Variants in SLC2A10 observed in about 807,000 individuals in gnomAD.
The protein encoded by SLC2A10 is solute carrier family 2, facilitated glucose transporter member 10.
A neutral mutation model predicts 32.1 loss-of-function variants in SLC2A10; 25 were observed. The ratio of observed to expected loss-of-function variants is 0.78; its 90% CI spans 0.57 to 1.09. The LOEUF is 1.09. Among genes scored for constraint, SLC2A10 ranks in the 50% least tolerant of loss-of-function variants. SLC2A10 has a pLI of 0.00. For synonymous variants in SLC2A10, 332 were observed against 309.6 expected (o/e 1.07, Z -0.76); for missense variants, 673 against 686.5 (o/e 0.98, Z 0.22).
At chr20:46,727,606 G>A (rs1051504293) in intron 3 of SLC2A10, among the ~76,000 whole-genome samples, 4 of 152,262 alleles carry the variant, frequency 2.6e-5, no homozygotes, top group South Asian at 2.1e-4. Context: ...ATGAGCCACC[G>A]TGTCTGGCCT....
chr20:46,722,100 G>C (rs1287319379), intron 1 of SLC2A10, among the ~76,000 whole-genome samples: 3 of 151,314 alleles, frequency 2.0e-5, no homozygotes, highest in Non-Finnish European at 4.4e-5. Context: ...TCAGAAAATA[G>C]TTTATAAAAA....
Position 46,734,173 on chromosome 20 carries a change from G to T in SLC2A10, c.*339G>T. On this transcript the variant is annotated 3_prime_UTR_variant, in exon 5 of 5. Coordinates refer to ENST00000359271, the MANE Select transcript of SLC2A10 (RefSeq NM_030777.4). ...AAAGAATCTCAAGGGTACCAATCCT[G>T]GCAGGAAGTCTCTCCCGATATCACC... is the stretch of plus-strand genomic sequence containing the variant. 1 of 389,042 alleles carries T rather than the reference G, an allele frequency of 2.6e-6. No homozygotes were observed. Among genetic ancestry groups the T allele is most frequent in the Non-Finnish European group, 4.8e-6 (1 of 208,324 alleles). 24.1% of individuals were successfully genotyped at this position (389,042 alleles called of 1,614,324 possible).
chr20:46,710,407 A>G (rs1050761740), intron 1 of SLC2A10: 2 of 194,388 alleles, frequency 1.0e-5, no homozygotes, highest in African/African-American at 4.6e-5. Context: ...TCAGCAATGA[A>G]CAAAATAGAC....
chr20:46,724,581 G>T (rs1422597455), intron 1 of SLC2A10, among the ~76,000 whole-genome samples: 2 of 151,676 alleles, frequency 1.3e-5, no homozygotes, highest in Admixed American at 1.3e-4. Context: ...AAGAATGGAT[G>T]GATAGTTAAA....
rs755339268 is a variant in SLC2A10, at chr20:46,725,646, G to A, written c.610G>A (p.Gly204Ser). 3.8e-5 allele frequency: 62 copies of A among 1,613,978 alleles called. No homozygotes were observed. Among genetic ancestry groups the A allele is most frequent in the Non-Finnish European group, 1.1e-5 (13 of 1,179,994 alleles). ...CAAGGACCTCATCCCACTCCAGGGA[G>A]GTGAGGCCCCCAAGCTGGGCCCGGG... ...THKDLIPLQG[G>S]EAPKLGPGRP... is the part of the protein sequence containing the mutation. Residue 204 changes from glycine to serine, a missense_variant, in exon 2 of 5, where the codon GGT (glycine) becomes AGT (serine). Transcript: ENST00000359271.
chr20:46,731,700 G>T (rs986066003), intron 4 of SLC2A10, among the ~76,000 whole-genome samples: 2 of 152,120 alleles, frequency 1.3e-5, no homozygotes, highest in Non-Finnish European at 2.9e-5. Context: ...CCAGAGGCAG[G>T]TCTGTGTTTT....
chr20:46,724,062 G>A (rs542063344), intron 1 of SLC2A10, among the ~76,000 whole-genome samples: 4 of 152,234 alleles, frequency 2.6e-5, no homozygotes, highest in African/African-American at 9.6e-5. Context: ...TCTTCTCCCA[G>A]ATTTTCCTGG....
intron 3 of SLC2A10, among the ~76,000 whole-genome samples, chr20:46,728,687 G>A (rs929429780): frequency 1.4e-5 from 2 of 146,424 alleles, no homozygotes; most frequent in Non-Finnish European, 3.0e-5. Context: ...GCATGATCTC[G>A]GCTCACTGCA....
Position 46,733,973 on chromosome 20 carries a change from TG to T in SLC2A10, c.*143del. ...GCCCCCAAAGGTGGTCTGCTTTTGC[TG>T]GGGTAAAAAGGATGAAAGTCTGAGA... On this transcript the variant is annotated 3_prime_UTR_variant, in exon 5 of 5. Transcript: ENST00000359271. 1.3e-6 allele frequency: 1 copy of T among 793,410 alleles called. No homozygotes were observed. Among genetic ancestry groups the T allele is most frequent in the Non-Finnish European group, 2.1e-6 (1 of 466,254 alleles). The allele number at this position is 793,410 out of a possible 1,614,324, so 49.1% of individuals were successfully genotyped here.
chr20:46,711,048 T>G (rs754290801), intron 1 of SLC2A10, among the ~76,000 whole-genome samples: 23 of 151,270 alleles, frequency 1.5e-4, no homozygotes, highest in Non-Finnish European at 2.9e-4. Flanking sequence ...AATTTTTGTA[T>G]TTTTAGTAGA....
chr20:46,716,974 A>C (rs1035638646), intron 1 of SLC2A10, among the ~76,000 whole-genome samples: 1 of 152,146 alleles, frequency 6.6e-6, no homozygotes, highest in Non-Finnish European at 1.5e-5. Context: ...AGTGAGCCGG[A>C]ATTACGCCAC....
At position 46,725,650 on chromosome 20, in the gene SLC2A10, A is replaced by C; in HGVS notation, c.614A>C (p.Glu205Ala). The change falls in exon 2 of 5, where the codon GAG becomes GCG. Residue 205 changes from glutamate (E) to alanine (A), a missense_variant. Glu to Ala is a moderately radical substitution (Grantham distance 107, BLOSUM62 -1). Transcript: ENST00000359271. Reference sequence around the variant, plus strand: ...GACCTCATCCCACTCCAGGGAGGTGAGGCCCCCAAGCTGGGCCCGGGGAGG... The same window carrying C: ...GACCTCATCCCACTCCAGGGAGGTGCGGCCCCCAAGCTGGGCCCGGGGAGG... ...HKDLIPLQGG[E>A]APKLGPGRPR... 6.2e-7 allele frequency: 1 copy of C among 1,614,038 alleles called. No homozygotes were observed. Among genetic ancestry groups the C allele is most frequent in the Non-Finnish European group, 8.5e-7 (1 of 1,179,960 alleles).
At chr20:46,723,276 G>GA (rs891082937) in intron 1 of SLC2A10, among the ~76,000 whole-genome samples, 12 of 152,086 alleles carry the variant, frequency 7.9e-5, no homozygotes, top group Admixed American at 7.8e-4. Flanking sequence ...AAGGGAGCTA[G>GA]AAAAAAGGGC....
chr20:46,716,707 T>TAAATA (rs879858278), intron 1 of SLC2A10, among the ~76,000 whole-genome samples: 42 of 152,152 alleles, frequency 2.8e-4, no homozygotes, highest in Non-Finnish European at 4.1e-4. Context: ...TACACTAATA[T>TAAATA]AAATAAAATA....
At position 46,725,265 on chromosome 20, in the gene SLC2A10, G is replaced by A; in HGVS notation, c.229G>A (p.Ala77Thr). 2 of 1,614,132 alleles carry A rather than the reference G, an allele frequency of 1.2e-6. No homozygotes were observed. The highest frequency in any genetic ancestry group is 2.7e-5 in the African/African-American group (2 of 75,066). Reference sequence around the variant, plus strand: ...CATTGACTGCTATGGCAGGAAGCAAGCCATCCTCGGGAGCAACTTGGTGCT... The same window carrying A: ...CATTGACTGCTATGGCAGGAAGCAAACCATCCTCGGGAGCAACTTGGTGCT... ...FLIDCYGRKQAILGSNLVLLA... is the reference protein window; with the variant it reads ...FLIDCYGRKQTILGSNLVLLA... Residue 77 changes from alanine (A) to threonine (T), a missense_variant, in exon 2 of 5, where the codon GCC becomes ACC. Ala to Thr is a moderately conservative substitution (Grantham distance 58). Transcript: ENST00000359271.
At chr20:46,730,940 C>T (rs556833912) in intron 4 of SLC2A10, among the ~76,000 whole-genome samples, 1 of 152,328 alleles carries the variant, frequency 6.6e-6, no homozygotes, top group Admixed American at 6.5e-5. Flanking sequence ...ACTAGCATCC[C>T]TGCACTGGCT....
intron 1 of SLC2A10, among the ~76,000 whole-genome samples, chr20:46,716,233 A>G (rs1465820256): frequency 6.6e-6 from 1 of 150,460 alleles, no homozygotes; most frequent in Non-Finnish European, 1.5e-5. Flanking sequence ...GCTCACTGCA[A>G]CCTCCACCTT....
rs760309737 is a variant in SLC2A10 at position 46,725,862 on chromosome 20, C to A, written c.826C>A (p.Leu276Ile). Reference sequence around the variant, plus strand: ...CTCAGCCGTGCTGGCCTCTGTGGGGCTTGGCGCAGTGAAGGTGGCAGCTAC... The same window carrying A: ...CTCAGCCGTGCTGGCCTCTGTGGGGATTGGCGCAGTGAAGGTGGCAGCTAC... ...GSSAVLASVG[L>I]GAVKVAATLT... Residue 276 changes from leucine to isoleucine, a missense_variant, in exon 2 of 5, where the codon CTT becomes ATT. Transcript: ENST00000359271. 6.2e-6 allele frequency: 10 copies of A among 1,614,118 alleles called. No individual in the cohort carries two copies. The Admixed American group carries it at 6.7e-5, about 11-fold the overall frequency.
At position 46,730,535 on chromosome 20, in the gene SLC2A10, G is replaced by A. The variant is rs562605756; in HGVS notation, c.1547+1047G>A. Reference sequence around the variant, plus strand: ...AGGCACCCACGTAATGATGAGGGGAGGAGCATTCTAAGCAGAAGGAACAGC... The same window carrying A: ...AGGCACCCACGTAATGATGAGGGGAAGAGCATTCTAAGCAGAAGGAACAGC... On this transcript the variant is annotated intron_variant, in intron 4 of 4. Transcript: ENST00000359271. 5.9e-5 allele frequency among the ~76,000 whole-genome samples: 9 copies of A among 152,268 alleles called. 1 individual carries two copies. The highest frequency in any genetic ancestry group is 1.9e-4 in the African/African-American group (8 of 41,550).
Sources: gnomAD v4.1 joint callset for allele counts (sites outside exome capture counted in the v4.1 genomes callset) on GRCh38, gnomAD v4.1.1 for gene constraint, MANE v1.5 for transcripts, NCBI Gene and HGNC (gene_info 2026-07-23, HGNC 2026-07-21) for gene names.